The following PTPRD variants were observed in gnomAD, a reference collection of about 807,000 sequenced individuals.
The protein encoded by PTPRD is receptor-type tyrosine-protein phosphatase delta.
PTPRD carries 34 observed loss-of-function variants against 214.5 expected under a neutral mutation model. The ratio of observed to expected loss-of-function variants is 0.16; its 90% CI spans 0.12 to 0.21. PTPRD has a LOEUF of 0.21. PTPRD is among the 10% of genes least tolerant of loss of function. The probability of loss-of-function intolerance (pLI) is 1.00; values close to 1 mark genes in which losing one functional copy is unlikely to be tolerated. For missense variants in PTPRD, 2,545 were observed against 2,398.7 expected, an observed-to-expected ratio of 1.06 and a Z score of -1.27; for synonymous variants, 1,128 against 845.7, an observed-to-expected ratio of 1.33 and a Z score of -5.79.
At chr9:9,234,052 C>T (rs1262151517) in intron 9 of PTPRD, among the ~76,000 whole-genome samples, 3 of 152,178 alleles carry the variant, frequency 2.0e-5, no homozygotes, top group Non-Finnish European at 4.4e-5. Flanking sequence ...CCCACATTTC[C>T]CTTCTGCACT....
At chr9:8,431,882 G>C (rs536731944) in intron 35 of PTPRD, among the ~76,000 whole-genome samples, 2 of 152,302 alleles carry the variant, frequency 1.3e-5, no homozygotes, top group South Asian at 4.1e-4. Context: ...TCTATTGTTT[G>C]TAATAGTTTC....
intron 14 of PTPRD, among the ~76,000 whole-genome samples, chr9:8,581,475 G>A (rs979432794): frequency 9.2e-5 from 14 of 152,150 alleles, no homozygotes; most frequent in African/African-American, 1.2e-4. Flanking sequence ...GGGGCCGGGC[G>A]CAGTGGCTCA....
chr9:9,971,377 A>G (rs2095091809), intron 4 of PTPRD, among the ~76,000 whole-genome samples: 1 of 152,184 alleles, frequency 6.6e-6, no homozygotes, highest in Non-Finnish European at 1.5e-5. Context: ...AGCAACTTAG[A>G]TGTCCCTGAG....
At chr9:10,110,897 T>C (rs894871336) in intron 3 of PTPRD, among the ~76,000 whole-genome samples, 2 of 152,200 alleles carry the variant, frequency 1.3e-5, no homozygotes, top group Non-Finnish European at 2.9e-5. Flanking sequence ...TTAACAAGAA[T>C]TTTAGTGAAT....
intron 2 of PTPRD, among the ~76,000 whole-genome samples, chr9:10,414,449 C>G (rs2154513340): frequency 6.6e-6 from 1 of 151,786 alleles, no homozygotes; most frequent in East Asian, 2.0e-4. Context: ...TAGATGCTGG[C>G]AAGATCATGC....
chr9:9,433,519 CT>C (rs1185451212), intron 8 of PTPRD, among the ~76,000 whole-genome samples: 7 of 151,548 alleles, frequency 4.6e-5, no homozygotes, highest in South Asian at 2.1e-4. Context: ...CCTGTTTTGA[CT>C]TTAGAAACTA....
rs182040757 is a variant in PTPRD, at chr9:10,334,278, T to G, written c.-545+6685A>C. ...AAAAGGTGACTTTTCTTTATCACAT[T>G]GATAGAATAAATCAGAAAATAACAT... On this transcript the variant is annotated intron_variant, in intron 3 of 45. Coordinates refer to ENST00000381196, the MANE Select transcript of PTPRD (RefSeq NM_002839.4). Among the ~76,000 whole-genome samples, 821 of 151,824 alleles carry G rather than the reference T, an allele frequency of 5.4e-3. 9 individuals carry two copies. The highest frequency in any genetic ancestry group is 0.019 in the African/African-American group (786 of 41,492).
chr9:10,248,359 G>C (rs1429278855), intron 3 of PTPRD, among the ~76,000 whole-genome samples: 2 of 151,990 alleles, frequency 1.3e-5, no homozygotes, highest in East Asian at 3.9e-4. Context: ...CTCTAAGTTA[G>C]GAAGTTTTGG....
chr9:8,858,103 C>T (rs2097985409), intron 11 of PTPRD: 1 of 164,670 alleles, frequency 6.1e-6, no homozygotes, highest in Non-Finnish European at 1.3e-5. Flanking sequence ...CCCTCCTCCT[C>T]CTCCTCCTCT....
intron 5 of PTPRD, among the ~76,000 whole-genome samples, chr9:9,847,536 A>G (rs1475385106): frequency 6.6e-6 from 1 of 152,040 alleles, no homozygotes; most frequent in Non-Finnish European, 1.5e-5. Context: ...ATGCACAGTC[A>G]CCCCACTTTT....
At chr9:9,590,840 T>C (rs1386107202) in intron 7 of PTPRD, among the ~76,000 whole-genome samples, 1 of 152,076 alleles carries the variant, frequency 6.6e-6, no homozygotes, top group Non-Finnish European at 1.5e-5. Flanking sequence ...GTTAATGATA[T>C]TAACTCTTTC....
chr9:10,389,898 T>C (rs930425477), intron 2 of PTPRD, among the ~76,000 whole-genome samples: 12 of 151,850 alleles, frequency 7.9e-5, no homozygotes, highest in Admixed American at 2.6e-4. Context: ...AGAAAACAGG[T>C]GGAGCTTACC....
At chr9:10,564,171 C>CTTT (rs71332760) in intron 2 of PTPRD, among the ~76,000 whole-genome samples, 4,858 of 29,240 alleles carry the variant, frequency 0.17, 1,583 homozygotes, top group Middle Eastern at 0.33. Context: ...CTAGGCTATT[C>CTTT]TTTTTTTTTT....
chr9:8,492,548 T>A (rs1040602836), intron 27 of PTPRD, among the ~76,000 whole-genome samples: 7 of 149,370 alleles, frequency 4.7e-5, no homozygotes, highest in African/African-American at 9.9e-5. Context: ...GTGTAGATTC[T>A]TGTTCTGTTT....
chr9:10,535,361 C>G (rs1446028360), intron 2 of PTPRD, among the ~76,000 whole-genome samples: 2 of 152,096 alleles, frequency 1.3e-5, no homozygotes, highest in African/African-American at 2.4e-5. Flanking sequence ...CATCCTCTCC[C>G]TTAAACAAAC....
intron 8 of PTPRD, among the ~76,000 whole-genome samples, chr9:9,488,470 C>G (rs1434724715): frequency 6.6e-6 from 1 of 152,162 alleles, no homozygotes; most frequent in Non-Finnish European, 1.5e-5. Context: ...AGTGTTTCTG[C>G]TCTCAGGTTC....
intron 31 of PTPRD, among the ~76,000 whole-genome samples, chr9:8,468,415 GAGTCATTCTGCCCCAA>G (rs2096586138): frequency 6.6e-6 from 1 of 151,854 alleles, no homozygotes; most frequent in Non-Finnish European, 1.5e-5. Context: ...AACATTCTGG[GAGTCATTCTGCCCCAA>G]ATTCATTTTG....
intron 12 of PTPRD, among the ~76,000 whole-genome samples, chr9:8,648,131 A>G (rs1339151972): frequency 6.6e-6 from 1 of 152,234 alleles, no homozygotes; most frequent in African/African-American, 2.4e-5. Context: ...AGAGCAGAAA[A>G]GTGGAAATGG....
chr9:10,395,812 G>A (rs1428106035), intron 2 of PTPRD, among the ~76,000 whole-genome samples: 1 of 151,860 alleles, frequency 6.6e-6, no homozygotes, highest in East Asian at 1.9e-4. Context: ...GAAGGAAAAG[G>A]CAAACAAAAC....
Sources: allele counts gnomAD v4.1 joint callset (sites outside exome capture counted in the v4.1 genomes callset), GRCh38; gene constraint gnomAD v4.1.1; transcripts MANE v1.5; gene names NCBI Gene and HGNC (gene_info 2026-07-23, HGNC 2026-07-21).